The following UGGT1 variants were observed in gnomAD, a reference collection of about 807,000 sequenced individuals.
UGGT1 encodes UDP-glucose:glycoprotein glucosyltransferase 1.
A neutral mutation model predicts 203.9 loss-of-function variants in UGGT1; 107 were observed. That is an observed-to-expected ratio of 0.52 (90% CI 0.45 to 0.62). UGGT1 has a LOEUF of 0.62. UGGT1 is among the 20% of genes least tolerant of loss of function. The probability of loss-of-function intolerance (pLI) is 0.00; values close to 1 mark genes in which losing one functional copy is unlikely to be tolerated. For missense variants in UGGT1, 1,673 were observed against 1,867.2 expected, an observed-to-expected ratio of 0.90 and a Z score of 1.92; for synonymous variants, 628 against 653.5, an observed-to-expected ratio of 0.96 and a Z score of 0.59.
intron 8 of UGGT1, among the ~76,000 whole-genome samples, chr2:128,117,879 G>A (rs771307005): frequency 6.6e-6 from 1 of 151,694 alleles, no homozygotes; most frequent in East Asian, 1.9e-4. Context: ...TATTCTAAAA[G>A]TTGAAGTTAT....
rs755827151 is a variant in UGGT1, at chr2:128,121,264, AAG to A, written c.1040_1041del (p.Lys347ArgfsTer3). 1.2e-6 allele frequency: 2 copies of A among 1,613,180 alleles called. No homozygotes were observed. The highest frequency in any genetic ancestry group is 2.7e-5 in the African/African-American group (2 of 74,836). On this transcript the variant is annotated frameshift_variant, in exon 10 of 41. Coordinates refer to ENST00000259253, the MANE Select transcript of UGGT1 (RefSeq NM_020120.4). LOFTEE classifies it high-confidence loss of function. Reference sequence around the variant, plus strand: ...TGTTGAGTTGGCTTTGGTTGTCATGAAGGATCTTAGTCAGAATTTTCCTACCA... The same window carrying A: ...TGTTGAGTTGGCTTTGGTTGTCATGAGATCTTAGTCAGAATTTTCCTACCA... ...SPVELALVVMKDLSQNFPTKA... is the reference protein window; with the variant it reads ...SPVELALVVMXDLSQNFPTKA...
intron 38 of UGGT1, among the ~76,000 whole-genome samples, chr2:128,184,443 A>C (rs1010355200): frequency 1.3e-5 from 2 of 152,214 alleles, no homozygotes; most frequent in Non-Finnish European, 2.9e-5. Flanking sequence ...ACATCCAGGA[A>C]TTATTATGAA....
chr2:128,151,261 C>T, intron 18 of UGGT1: 1 of 595,998 alleles, frequency 1.7e-6, no homozygotes, highest in Non-Finnish European at 3.2e-6. Flanking sequence ...GAAAGTCTTA[C>T]CTTCCTCGTC....
chr2:128,160,389 C>A, intron 23 of UGGT1, 71 bp from the exon 24 acceptor site: 1 of 1,450,218 alleles, frequency 6.9e-7, no homozygotes, highest in Admixed American at 2.6e-5. Context: ...ATGGTTTATT[C>A]ACTGTGTTTA....
At chr2:128,189,389 T>C (rs1341771022) in intron 40 of UGGT1, among the ~76,000 whole-genome samples, 3 of 152,170 alleles carry the variant, frequency 2.0e-5, no homozygotes, top group African/African-American at 7.2e-5. Flanking sequence ...CACTGATACA[T>C]AGAAAATGTT....
chr2:128,101,123 C>T (rs939724009), intron 2 of UGGT1, among the ~76,000 whole-genome samples: 3 of 152,126 alleles, frequency 2.0e-5, no homozygotes, highest in Non-Finnish European at 2.9e-5. Flanking sequence ...CAAGGTAATA[C>T]GACATGTAGG....
chr2:128,098,349 C>T (rs2105334389), intron 2 of UGGT1, among the ~76,000 whole-genome samples: 1 of 152,296 alleles, frequency 6.6e-6, no homozygotes. Context: ...GGTGGATCAC[C>T]TGAGGTCAGG....
At chr2:128,134,030 G>C (rs1573548329) in intron 14 of UGGT1, among the ~76,000 whole-genome samples, 1 of 57,570 alleles carries the variant, frequency 1.7e-5, no homozygotes, top group African/African-American at 4.3e-5. Flanking sequence ...CTTCTTGTCT[G>C]TCTCTTTTCT....
Position 128,164,746 on chromosome 2 carries a change from A to G in UGGT1, c.2842A>G (p.Met948Val), listed in dbSNP as rs780846994. 20 of 1,613,996 alleles carry G rather than the reference A, an allele frequency of 1.2e-5. No homozygotes were observed. Among genetic ancestry groups the G allele is most frequent in the Non-Finnish European group, 1.6e-5 (19 of 1,179,946 alleles). Residue 948 changes from methionine to valine, a missense_variant, in exon 26 of 41, where the codon ATG (methionine) becomes GTG (valine). Around this residue, in one of 4 missense-constraint regions of UGGT1, gnomAD observed 1,073 missense variants for 1,078.7 expected, o/e 0.99. Coordinates refer to ENST00000259253, the MANE Select transcript of UGGT1 (RefSeq NM_020120.4). ...VEEDVASDLVMKVDALLSAQP... is the reference protein window; with the variant it reads ...VEEDVASDLVVKVDALLSAQP... ...TTCTTTCAGGGCAAGCGACTTGGTA[A>G]TGAAGGTGGATGCTCTTCTGTCAGC...
intron 15 of UGGT1, among the ~76,000 whole-genome samples, chr2:128,138,060 G>T (rs1356579368): frequency 6.6e-6 from 1 of 151,794 alleles, no homozygotes; most frequent in African/African-American, 2.4e-5. Context: ...CTTTGAAAGT[G>T]TGAAAATTTT....
chr2:128,091,698 G>A, intron 1 of UGGT1: 7 of 889,634 alleles, frequency 7.9e-6, no homozygotes, highest in Non-Finnish European at 1.1e-5. Context: ...AAATGGGGGA[G>A]GTATCCTACC....
chr2:128,120,845 T>C (rs2105390105), intron 9 of UGGT1, among the ~76,000 whole-genome samples: 1 of 152,336 alleles, frequency 6.6e-6, no homozygotes, highest in East Asian at 1.9e-4. Flanking sequence ...TTTCAAGTTT[T>C]TTTCCCCAAC....
chr2:128,103,193 C>T, intron 2 of UGGT1: 1 of 458,548 alleles, frequency 2.2e-6, no homozygotes, highest in Non-Finnish European at 4.5e-6. Context: ...AGTGAAAGAT[C>T]ACCACTGCAT....
chr2:128,146,782 T>C (rs1017978941), intron 18 of UGGT1, among the ~76,000 whole-genome samples: 1 of 152,188 alleles, frequency 6.6e-6, no homozygotes, highest in Non-Finnish European at 1.5e-5. Context: ...CACCCTGCCA[T>C]TGGCAAACAC....
intron 11 of UGGT1, among the ~76,000 whole-genome samples, chr2:128,126,099 G>A (rs568813380): frequency 6.6e-6 from 1 of 151,658 alleles, no homozygotes; most frequent in African/African-American, 2.4e-5. Flanking sequence ...GTGCCACCAC[G>A]CCCAGCTAAT....
At position 128,157,217 on chromosome 2, in the gene UGGT1, C is replaced by T. The variant is rs772462075; in HGVS notation, c.2261-35C>T. The T allele has an allele frequency of 2.7e-6, 4 of 1,471,924 alleles. No homozygotes were observed. In the African/African-American group the frequency reaches 5.6e-5, roughly 20 times the overall value. The allele number at this position is 1,471,924 out of a possible 1,614,324, so 91.2% of individuals were successfully genotyped here. On this transcript the variant is annotated intron_variant, in intron 21 of 40. Transcript: ENST00000259253. Reference sequence around the variant, plus strand: ...TTGAAACACAGAATGTGCTTCTCTCCTCTGACTCAATTAGCTGTTTTTGTT... The same window carrying T: ...TTGAAACACAGAATGTGCTTCTCTCTTCTGACTCAATTAGCTGTTTTTGTT...
chr2:128,164,596 C>T, intron 25 of UGGT1, 134 bp from the exon 26 acceptor site: 1 of 661,952 alleles, frequency 1.5e-6, no homozygotes, highest in Non-Finnish European at 2.7e-6. Flanking sequence ...TTTCTCATGC[C>T]TATCAGTACG....
At chr2:128,174,966 C>A in intron 31 of UGGT1, 108 bp downstream of exon 31, 1 of 880,180 alleles carries the variant, frequency 1.1e-6, no homozygotes, top group Non-Finnish European at 1.7e-6. Flanking sequence ...ATTTAATTTG[C>A]AGTTGTATGT....
intron 32 of UGGT1, among the ~76,000 whole-genome samples, chr2:128,177,415 C>T (rs1252564270): frequency 6.6e-6 from 1 of 152,074 alleles, no homozygotes; most frequent in Non-Finnish European, 1.5e-5. Flanking sequence ...CAAGAAGAAA[C>T]CCCTGTTTGT....
Sources: allele counts gnomAD v4.1 joint callset (sites outside exome capture counted in the v4.1 genomes callset), GRCh38; gene constraint gnomAD v4.1.1; regional missense constraint gnomAD v4.1.1; transcripts MANE v1.5; gene names NCBI Gene and HGNC (gene_info 2026-07-23, HGNC 2026-07-21).